The following KSR1 variants were observed in gnomAD, a reference collection of about 807,000 sequenced individuals.
The protein encoded by KSR1 is kinase suppressor of ras.
A neutral mutation model predicts 92.9 loss-of-function variants in KSR1; 35 were observed. The ratio of observed to expected loss-of-function variants is 0.38; its 90% CI spans 0.29 to 0.50. The LOEUF (loss-of-function observed/expected upper bound fraction) is 0.50, where lower values mean the gene tolerates loss of function less well. KSR1 is among the 20% of genes least tolerant of loss of function. The pLI is 0.94. For missense variants in KSR1, 972 were observed against 1,158.5 expected, an observed-to-expected ratio of 0.84 and a Z score of 2.34; for synonymous variants, 467 against 472.6, an observed-to-expected ratio of 0.99 and a Z score of 0.15.
intron 2 of KSR1, among the ~76,000 whole-genome samples, chr17:27,564,278 C>T (rs143479713): frequency 6.6e-6 from 1 of 152,230 alleles, no homozygotes; most frequent in African/African-American, 2.4e-5. Context: ...GGCGTGAGCC[C>T]CCGCACCTGG....
chr17:27,545,853 G>A (rs374095688), intron 1 of KSR1, among the ~76,000 whole-genome samples: 1 of 152,176 alleles, frequency 6.6e-6, no homozygotes, highest in African/African-American at 2.4e-5. Context: ...AGGCCCAAAC[G>A]CTGGCTCAGG....
intron 1 of KSR1, among the ~76,000 whole-genome samples, chr17:27,487,352 T>G (rs1485376110): frequency 1.3e-5 from 2 of 152,060 alleles, no homozygotes; most frequent in Non-Finnish European, 2.9e-5. Flanking sequence ...GGAGAATCGC[T>G]CGAACCTGGG....
intron 1 of KSR1, among the ~76,000 whole-genome samples, chr17:27,472,422 G>A (rs953292667): frequency 3.9e-5 from 6 of 152,168 alleles, no homozygotes; most frequent in African/African-American, 7.2e-5. Flanking sequence ...CATAAGCCCC[G>A]GGGGGCTCTG....
chr17:27,543,604 C>T (rs1038593868), intron 1 of KSR1, among the ~76,000 whole-genome samples: 2 of 152,324 alleles, frequency 1.3e-5, no homozygotes, highest in African/African-American at 2.4e-5. Context: ...AAGTGATACT[C>T]GTGGAGCCTC....
At chr17:27,527,080 C>T in intron 1 of KSR1, 1 of 427,000 alleles carries the variant, frequency 2.3e-6, no homozygotes, top group Non-Finnish European at 4.5e-6. Context: ...CCTGCAGGTA[C>T]ATTGATTGCT....
intron 1 of KSR1, among the ~76,000 whole-genome samples, chr17:27,479,923 G>A (rs532047705): frequency 2.2e-4 from 33 of 152,270 alleles, no homozygotes; most frequent in African/African-American, 4.6e-4. Context: ...ATATTCTCTC[G>A]GGTGTGTGTG....
Position 27,623,737 on chromosome 17 carries a change from C to T in KSR1, c.*345C>T, listed in dbSNP as rs2074285250. The T allele has an allele frequency of 3.6e-6, 2 of 561,906 alleles. No individual in the cohort carries two copies. Among genetic ancestry groups the T allele is most frequent in the Non-Finnish European group, 6.2e-6 (2 of 324,770 alleles). 34.8% of individuals were successfully genotyped at this position (561,906 alleles called of 1,614,324 possible). On this transcript the variant is annotated 3_prime_UTR_variant, in exon 21 of 21. Transcript: ENST00000644974. ...CCAGGATGGCGGAAATGGCCATCCC[C>T]TCTGAGGACCTTGTAGGCGGTGAGG...
intron 1 of KSR1, among the ~76,000 whole-genome samples, chr17:27,542,846 A>T (rs1381030677): frequency 6.6e-6 from 1 of 152,216 alleles, no homozygotes; most frequent in African/African-American, 2.4e-5. Context: ...GGCATGTATT[A>T]TATTTTCTCT....
At chr17:27,616,366 T>C (rs2074054756) in intron 18 of KSR1, among the ~76,000 whole-genome samples, 1 of 152,238 alleles carries the variant, frequency 6.6e-6, no homozygotes, top group Non-Finnish European at 1.5e-5. Context: ...TTGATTTTTA[T>C]CTTCCAGCAC....
intron 1 of KSR1, among the ~76,000 whole-genome samples, chr17:27,492,221 C>T (rs1212014400): frequency 1.3e-5 from 2 of 152,162 alleles, no homozygotes; most frequent in Non-Finnish European, 2.9e-5. Context: ...ATTTTAAACA[C>T]TGTTCATTTA....
Position 27,574,000 on chromosome 17 carries a change from G to A in KSR1, c.373-3492G>A, listed in dbSNP as rs144984712. ...TGCATTATAGTTAGGTTGAAGATTG[G>A]GTTTCCTCAGCCTGGCTCCCTCCCC... On this transcript the variant is annotated intron_variant, in intron 2 of 20. Coordinates refer to ENST00000644974, the MANE Select transcript of KSR1 (RefSeq NM_001394583.1). Among the ~76,000 whole-genome samples, 814 of 152,266 alleles carry A rather than the reference G, an allele frequency of 5.3e-3. 3 individuals carry two copies. The highest frequency in any genetic ancestry group is 0.01 in the Admixed American group (153 of 15,298).
At chr17:27,504,875 C>G (rs1191637734) in intron 1 of KSR1, among the ~76,000 whole-genome samples, 1 of 152,200 alleles carries the variant, frequency 6.6e-6, no homozygotes, top group Non-Finnish European at 1.5e-5. Flanking sequence ...AGAGCTGTTC[C>G]CAGCAGCACA....
intron 1 of KSR1, among the ~76,000 whole-genome samples, chr17:27,514,671 A>AG (rs1555573559): frequency 9.3e-5 from 14 of 151,020 alleles, no homozygotes; most frequent in South Asian, 4.2e-4. Context: ...AAAAAAAAAA[A>AG]AAAAGAAAAG....
Position 27,597,375 on chromosome 17 carries a change from C to G in KSR1, c.1407C>G (p.Ser469=). 6.2e-7 allele frequency: 1 copy of G among 1,613,818 alleles called. No homozygotes were observed. Among genetic ancestry groups the G allele is most frequent in the Non-Finnish European group, 8.5e-7 (1 of 1,179,798 alleles). ...PAPFPTSSNP[S]SATTPPNPSP... Reference sequence around the variant, plus strand: ...CCTTCCCGACATCATCCAACCCATCCAGCGCCACCACGCCCCCCAACCCCT... The same window carrying G: ...CCTTCCCGACATCATCCAACCCATCGAGCGCCACCACGCCCCCCAACCCCT... Residue 469 remains serine (S), a synonymous_variant, in exon 10 of 21, where the codon TCC becomes TCG. Transcript: ENST00000644974.
rs927375909 is a variant in KSR1 at position 27,551,797 on chromosome 17, G to A, written c.372+1089G>A. Among the ~76,000 whole-genome samples, 13 of 152,258 alleles carry A rather than the reference G, an allele frequency of 8.5e-5. No homozygotes were observed. In the South Asian group the frequency reaches 1.2e-3, roughly 15 times the overall value. On this transcript the variant is annotated intron_variant, in intron 2 of 20. Transcript: ENST00000644974. ...TCTCCCTCCCTGCCTCCAGCACCAC[G>A]GTCCAGGCCGCTGTCACCTCCTGCA... is the stretch of plus-strand genomic sequence containing the variant.
At chr17:27,505,218 G>A (rs565261899) in intron 1 of KSR1, among the ~76,000 whole-genome samples, 1 of 152,302 alleles carries the variant, frequency 6.6e-6, no homozygotes, top group African/African-American at 2.4e-5. Context: ...AGAGGGAGCT[G>A]TTCTCTCACC....
intron 2 of KSR1, among the ~76,000 whole-genome samples, chr17:27,554,055 T>C (rs1275737392): frequency 2.0e-5 from 3 of 152,226 alleles, no homozygotes; most frequent in African/African-American, 7.2e-5. Flanking sequence ...TTCTGTGTGC[T>C]TTCAGTGGGA....
chr17:27,498,145 C>T (rs1261424720), intron 1 of KSR1, among the ~76,000 whole-genome samples: 1 of 151,962 alleles, frequency 6.6e-6, no homozygotes, highest in Non-Finnish European at 1.5e-5. Flanking sequence ...GCCTGGCCAA[C>T]ATGGTGAAAC....
At chr17:27,614,908 A>G (rs148616490) in intron 18 of KSR1, among the ~76,000 whole-genome samples, 12 of 152,310 alleles carry the variant, frequency 7.9e-5, no homozygotes, top group African/African-American at 2.9e-4. Flanking sequence ...GGTCAACGCA[A>G]TAAAATTATT....
Sources: allele counts gnomAD v4.1 joint callset (sites outside exome capture counted in the v4.1 genomes callset), GRCh38; gene constraint gnomAD v4.1.1; transcripts MANE v1.5; gene names NCBI Gene and HGNC (gene_info 2026-07-23, HGNC 2026-07-21).